TBL1XR1: variants seen among roughly 807,000 people sequenced by gnomAD.
The protein encoded by TBL1XR1 is F-box-like/WD repeat-containing protein TBL1XR1.
In TBL1XR1, 5 loss-of-function variants were observed where a neutral mutation model predicts 66.9. The observed-to-expected ratio is 0.07, with a 90% CI of 0.04 to 0.16. The LOEUF (loss-of-function observed/expected upper bound fraction) is 0.16, where lower values mean the gene tolerates loss of function less well. Among genes scored for constraint, TBL1XR1 ranks in the 10% least tolerant of loss-of-function variants. TBL1XR1 has a pLI of 1.00. For synonymous variants in TBL1XR1, 210 were observed against 206.0 expected, an observed-to-expected ratio of 1.02 and a Z score of -0.17; for missense variants, 238 against 623.2, an observed-to-expected ratio of 0.38 and a Z score of 6.58.
intron 2 of TBL1XR1, among the ~76,000 whole-genome samples, chr3:177,082,246 T>A (rs1283587083): frequency 2.0e-5 from 3 of 152,008 alleles, no homozygotes; most frequent in Non-Finnish European, 4.4e-5. Flanking sequence ...TTTGGAGTGA[T>A]AAAAAGACAA....
At chr3:177,160,995 CAAAAAAAAAA>C (rs5854744) in intron 1 of TBL1XR1, 1 of 93,260 alleles carries the variant, frequency 1.1e-5, no homozygotes, top group African/African-American at 4.1e-5. Context: ...AACTCTGTCT[CAAAAAAAAAA>C]AAAATAAAGA....
chr3:177,097,222 C>T (rs1429405854), intron 2 of TBL1XR1, among the ~76,000 whole-genome samples: 1 of 152,094 alleles, frequency 6.6e-6, no homozygotes, highest in Non-Finnish European at 1.5e-5. Context: ...TTATGCCTCC[C>T]TAATTTAGTA....
chr3:177,026,048 AGAG>A lies in TBL1XR1; in HGVS notation c.1518+322_1518+324del, dbSNP rs1211190942. ...CTGGGCCAAAAAAATTCTTCTGTGAAGAGGAGAAGGTAGAAATACACATTAAAC... is the reference window on the plus strand; with the variant it reads ...CTGGGCCAAAAAAATTCTTCTGTGAAGAGAAGGTAGAAATACACATTAAAC... On this transcript the variant is annotated intron_variant, in intron 15 of 15. Coordinates refer to ENST00000457928, the MANE Select transcript of TBL1XR1 (RefSeq NM_024665.7). The A allele has an allele frequency of 4.3e-5, 14 of 321,948 alleles. No individual in the cohort carries two copies. The East Asian group carries it at 6.6e-4, about 15-fold the overall frequency. 19.9% of individuals were successfully genotyped at this position (321,948 alleles called of 1,614,324 possible). A position where few individuals can be genotyped will look rare whatever the true frequency, so the allele number is the denominator to read the frequency against.
chr3:177,153,625 C>T (rs189728577), intron 1 of TBL1XR1, among the ~76,000 whole-genome samples: 41 of 152,230 alleles, frequency 2.7e-4, no homozygotes, highest in African/African-American at 9.1e-4. Context: ...CGGTGGCTCA[C>T]GACCGTAATC....
At chr3:177,152,742 G>A (rs1443111633) in intron 1 of TBL1XR1, among the ~76,000 whole-genome samples, 3 of 152,112 alleles carry the variant, frequency 2.0e-5, no homozygotes, top group African/African-American at 7.2e-5. Context: ...CTCAGAATTT[G>A]ATAGCCCATT....
chr3:177,151,518 T>C lies in TBL1XR1; in HGVS notation c.-122+45603A>G, dbSNP rs184749276. Among the ~76,000 whole-genome samples the C allele has an allele frequency of 6.6e-4, 100 of 152,284 alleles. No homozygotes were observed. In the East Asian group the frequency reaches 0.014, roughly 22 times the overall value. On this transcript the variant is annotated intron_variant, in intron 1 of 15. Transcript: ENST00000457928. Reference sequence around the variant, plus strand: ...AGACTGTACGCTCCTTATGAGAATCTAACTAATGCCTGATGAAACCACCCG... The same window carrying C: ...AGACTGTACGCTCCTTATGAGAATCCAACTAATGCCTGATGAAACCACCCG...
intron 1 of TBL1XR1, among the ~76,000 whole-genome samples, chr3:177,155,148 G>A (rs1021462451): frequency 2.0e-5 from 3 of 152,218 alleles, no homozygotes; most frequent in South Asian, 2.1e-4. Context: ...CAAACAAAAC[G>A]AATTTGAGAT....
At chr3:177,036,118 G>C (rs938562313) in intron 12 of TBL1XR1, among the ~76,000 whole-genome samples, 7 of 152,200 alleles carry the variant, frequency 4.6e-5, no homozygotes, top group Non-Finnish European at 1.0e-4. Context: ...CGTTCAGCCA[G>C]ATCTATTACT....
intron 12 of TBL1XR1, among the ~76,000 whole-genome samples, chr3:177,037,231 ACTT>A (rs1469581983): frequency 3.9e-5 from 6 of 152,272 alleles, no homozygotes; most frequent in Non-Finnish European, 7.3e-5. Flanking sequence ...GATTTTGAGT[ACTT>A]ATTAAGTCAA....
chr3:177,189,328 C>G (rs1456191038), intron 1 of TBL1XR1, among the ~76,000 whole-genome samples: 1 of 152,102 alleles, frequency 6.6e-6, no homozygotes, highest in East Asian at 1.9e-4. Flanking sequence ...ACCAGCCTGG[C>G]CAACAAGGTG....
chr3:177,136,285 C>T (rs1728987752), intron 1 of TBL1XR1: 1 of 151,982 alleles, frequency 6.6e-6, no homozygotes, highest in Admixed American at 6.6e-5. Context: ...CACTGACATA[C>T]CTCTCAATTT....
chr3:177,149,711 G>T (rs898955633), intron 1 of TBL1XR1, among the ~76,000 whole-genome samples: 9 of 152,062 alleles, frequency 5.9e-5, no homozygotes, highest in Non-Finnish European at 1.2e-4. Flanking sequence ...TTTCTAAATG[G>T]TTGGGGGGGC....
At chr3:177,176,622 G>A (rs933689498) in intron 1 of TBL1XR1, among the ~76,000 whole-genome samples, 7 of 151,580 alleles carry the variant, frequency 4.6e-5, no homozygotes, top group South Asian at 4.2e-4. Flanking sequence ...AGACCAGCCC[G>A]GCCAACATGG....
chr3:177,081,604 A>G (rs546996434), intron 2 of TBL1XR1, among the ~76,000 whole-genome samples: 1 of 152,154 alleles, frequency 6.6e-6, no homozygotes, highest in East Asian at 1.9e-4. Context: ...TTTAAATATT[A>G]GTGCATGCCT....
chr3:177,179,583 C>CTCT lies in TBL1XR1; in HGVS notation c.-122+17537_-122+17538insAGA, dbSNP rs1309410311. On this transcript the variant is annotated intron_variant, in intron 1 of 15. Coordinates refer to ENST00000457928, the MANE Select transcript of TBL1XR1 (RefSeq NM_024665.7). The stretch of plus-strand genomic sequence containing the variant: ...TCCAAAGTTTCTCCCAGGAGTGAAG[C>CTCT]TAAAGGTTGCAGAAGTTATTCCTAA... Among the ~76,000 whole-genome samples the CTCT allele has an allele frequency of 4.6e-5, 7 of 152,280 alleles. No homozygotes were observed. In the East Asian group the frequency reaches 1.4e-3, roughly 29 times the overall value.
chr3:177,047,679 T>A (rs1316910158), intron 7 of TBL1XR1, 130 bp from the exon 8 acceptor site: 1 of 1,063,584 alleles, frequency 9.4e-7, no homozygotes, highest in African/African-American at 1.6e-5. Flanking sequence ...ACTTGTCAGT[T>A]TTGCCTACTT....
At chr3:177,092,967 G>A (rs1052680685) in intron 2 of TBL1XR1, among the ~76,000 whole-genome samples, 5 of 152,068 alleles carry the variant, frequency 3.3e-5, no homozygotes, top group African/African-American at 1.2e-4. Flanking sequence ...CCTAGCCAGA[G>A]CAATCAGACA....
In TBL1XR1 at chr3:177,047,388, G is replaced by C; in HGVS notation, c.776C>G (p.Ala259Gly). Reference sequence around the variant, plus strand: ...GCCTTTATGCTGCCCTAAGGTGCTAGCAAGGTTACCTAAAATGCAAAAGAA... The same window carrying C: ...GCCTTTATGCTGCCCTAAGGTGCTACCAAGGTTACCTAAAATGCAAAAGAA... ...ARIWTKDGNL[A>G]STLGQHKGPI... is the part of the protein sequence containing the mutation. The change falls in exon 9 of 16, where the codon GCT becomes GGT. Residue 259 changes from alanine (A) to glycine (G), a missense_variant. Around this residue, in one of 8 missense-constraint regions of TBL1XR1, gnomAD observed 89 missense variants for 220.2 expected, o/e 0.40. Coordinates refer to ENST00000457928, the MANE Select transcript of TBL1XR1 (RefSeq NM_024665.7). 6.3e-7 allele frequency: 1 copy of C among 1,582,046 alleles called. No individual in the cohort carries two copies. The highest frequency in any genetic ancestry group is 8.6e-7 in the Non-Finnish European group (1 of 1,162,724).
intron 2 of TBL1XR1, chr3:177,091,251 A>G (rs1375894391): frequency 6.6e-6 from 1 of 152,160 alleles, no homozygotes; most frequent in African/African-American, 2.4e-5. Flanking sequence ...ATACATTTAT[A>G]AATATAAAAA....
Sources: allele counts gnomAD v4.1 joint callset (sites outside exome capture counted in the v4.1 genomes callset), GRCh38; gene constraint gnomAD v4.1.1; regional missense constraint gnomAD v4.1.1; transcripts MANE v1.5; gene names NCBI Gene and HGNC (gene_info 2026-07-23, HGNC 2026-07-21).